The following CSGALNACT1 variants were observed in gnomAD, a reference collection of about 807,000 sequenced individuals.
The protein encoded by CSGALNACT1 is beta4GalNAcT-1.
A neutral mutation model predicts 51.0 loss-of-function variants in CSGALNACT1; 52 were observed. The ratio of observed to expected loss-of-function variants is 1.02; its 90% CI spans 0.82 to 1.29. The LOEUF (loss-of-function observed/expected upper bound fraction) is 1.29, where lower values mean the gene tolerates loss of function less well. Ranked by LOEUF, CSGALNACT1 falls within the 50% of genes most tolerant of loss-of-function variation. The probability of loss-of-function intolerance (pLI) is 0.00; values close to 1 mark genes in which losing one functional copy is unlikely to be tolerated. For missense variants in CSGALNACT1, 935 were observed against 679.2 expected, an observed-to-expected ratio of 1.38 and a Z score of -4.19; for synonymous variants, 341 against 254.4, an observed-to-expected ratio of 1.34 and a Z score of -3.24.
At chr8:19,706,829 G>T (rs539223894) in intron 1 of CSGALNACT1, among the ~76,000 whole-genome samples, 1 of 152,110 alleles carries the variant, frequency 6.6e-6, no homozygotes, top group African/African-American at 2.4e-5. Context: ...ATCTTGCTAT[G>T]TTGCCCAGGC....
chr8:19,412,583 T>C (rs1197580677), intron 8 of CSGALNACT1, among the ~76,000 whole-genome samples: 2 of 152,224 alleles, frequency 1.3e-5, no homozygotes, highest in African/African-American at 2.4e-5. Flanking sequence ...GCGTCTGGTC[T>C]ACCTTGCATT....
chr8:19,632,983 G>C lies in CSGALNACT1; in HGVS notation c.-543-31118C>G, dbSNP rs1354167968. ...AGGTTTCCCCATGTTGCTCAGGCTG[G>C]TCTCAAACTCTTGGGCTCAAGGGAT... On this transcript the variant is annotated intron_variant, in intron 1 of 9. Transcript: ENST00000332246. Among the ~76,000 whole-genome samples, 4 of 149,466 alleles carry C rather than the reference G, an allele frequency of 2.7e-5. No homozygotes were observed. In the South Asian group the frequency reaches 8.5e-4, roughly 32 times the overall value.
chr8:19,666,704 A>G (rs764613874), intron 1 of CSGALNACT1, among the ~76,000 whole-genome samples: 2 of 148,724 alleles, frequency 1.3e-5, no homozygotes, highest in African/African-American at 2.5e-5. Context: ...CCGGGAGAGA[A>G]AGAGAGAAAA....
chr8:19,482,257 T>A (rs1256396619), intron 4 of CSGALNACT1, among the ~76,000 whole-genome samples: 1 of 152,234 alleles, frequency 6.6e-6, no homozygotes, highest in African/African-American at 2.4e-5. Flanking sequence ...GCTAGTGAAA[T>A]TGAGGACATA....
intron 3 of CSGALNACT1, among the ~76,000 whole-genome samples, chr8:19,518,706 C>T (rs1416235539): frequency 6.6e-6 from 1 of 152,090 alleles, no homozygotes; most frequent in East Asian, 1.9e-4. Context: ...CCTGGTACAC[C>T]ACGAGGAACC....
intron 3 of CSGALNACT1, chr8:19,591,087 T>C (rs138350583): frequency 1.3e-5 from 2 of 152,276 alleles, no homozygotes; most frequent in Non-Finnish European, 2.9e-5. Flanking sequence ...ATCTCCAAAA[T>C]AGGGCAGAGA....
At chr8:19,703,074 G>A (rs1283793748) in intron 1 of CSGALNACT1, among the ~76,000 whole-genome samples, 1 of 152,186 alleles carries the variant, frequency 6.6e-6, no homozygotes, top group Non-Finnish European at 1.5e-5. Context: ...GGCAGGGGAA[G>A]AAGGGAGGTC....
At chr8:19,604,807 C>T (rs574044120), upstream of CSGALNACT1, among the ~76,000 whole-genome samples, 2 of 149,040 alleles carry the variant, frequency 1.3e-5, no homozygotes, top group Admixed American at 6.8e-5. Flanking sequence ...CTCAGCTACT[C>T]AGGAGGTTGA....
intron 3 of CSGALNACT1, among the ~76,000 whole-genome samples, chr8:19,547,575 G>C (rs929667271): frequency 3.3e-5 from 5 of 152,068 alleles, no homozygotes; most frequent in African/African-American, 1.2e-4. Context: ...CGTGCCTTTA[G>C]CTTTTCACCA....
intron 2 of CSGALNACT1, among the ~76,000 whole-genome samples, chr8:19,594,769 C>G (rs2154137012): frequency 6.6e-6 from 1 of 151,406 alleles, no homozygotes; most frequent in East Asian, 1.9e-4. Context: ...CCAGGCTGGT[C>G]TCGAACTCCT....
intron 3 of CSGALNACT1, among the ~76,000 whole-genome samples, chr8:19,538,345 CAA>C (rs1223208211): frequency 1.3e-5 from 2 of 151,798 alleles, no homozygotes; most frequent in Admixed American, 6.6e-5. Context: ...TAAAAACCCT[CAA>C]GATTCAACAA....
intron 1 of CSGALNACT1, among the ~76,000 whole-genome samples, chr8:19,664,024 G>C (rs559221941): frequency 3.3e-5 from 5 of 152,050 alleles, no homozygotes; most frequent in Non-Finnish European, 7.3e-5. Flanking sequence ...CCCAGCTGGT[G>C]AAAGCGCGGG....
chr8:19,636,311 T>C (rs138887465), intron 1 of CSGALNACT1, among the ~76,000 whole-genome samples: 5 of 152,288 alleles, frequency 3.3e-5, no homozygotes, highest in Admixed American at 2.0e-4. Flanking sequence ...AACTTTATCA[T>C]AGATAAGTAT....
chr8:19,412,252 C>A (rs1486637247), intron 8 of CSGALNACT1, among the ~76,000 whole-genome samples: 4 of 152,208 alleles, frequency 2.6e-5, no homozygotes, highest in African/African-American at 9.6e-5. Flanking sequence ...GAATGTACCA[C>A]AAAAGGACAG....
chr8:19,497,496 G>A (rs1021614952), intron 4 of CSGALNACT1, among the ~76,000 whole-genome samples: 5 of 152,078 alleles, frequency 3.3e-5, no homozygotes, highest in African/African-American at 1.2e-4. Context: ...ATGAGAACCA[G>A]ACTCAGGTAT....
At chr8:19,445,637 A>C (rs184474537) in intron 5 of CSGALNACT1, among the ~76,000 whole-genome samples, 4 of 152,344 alleles carry the variant, frequency 2.6e-5, no homozygotes, top group African/African-American at 9.6e-5. Flanking sequence ...GAAATGAGTA[A>C]GACATGTCTG....
chr8:19,594,657 C>A (rs767661836), intron 2 of CSGALNACT1, among the ~76,000 whole-genome samples: 1 of 152,134 alleles, frequency 6.6e-6, no homozygotes, highest in Non-Finnish European at 1.5e-5. Context: ...GATTCTCCTG[C>A]CTCAGCTTCC....
intron 3 of CSGALNACT1, among the ~76,000 whole-genome samples, chr8:19,519,952 C>A (rs2080311711): frequency 6.6e-6 from 1 of 152,224 alleles, no homozygotes; most frequent in African/African-American, 2.4e-5. Flanking sequence ...AACATTCCTA[C>A]ACTGAAAGGT....
chr8:19,599,468 AAGAAAAAGAAAGAAAGAAAGAAAGAAAG>A (rs1318069871), intron 2 of CSGALNACT1, among the ~76,000 whole-genome samples: 2 of 108,382 alleles, frequency 1.8e-5, no homozygotes, highest in African/African-American at 8.1e-5. Flanking sequence ...GAAAGAAAGA[AAGAAAAAGAAAGAAAGAAAGAAAGAAAG>A]AAAGAAAGAA....
Sources: allele counts gnomAD v4.1 joint callset (sites outside exome capture counted in the v4.1 genomes callset), GRCh38; gene constraint gnomAD v4.1.1; transcripts MANE v1.5; gene names NCBI Gene and HGNC (gene_info 2026-07-23, HGNC 2026-07-21).